The following APP variants were observed in gnomAD, a reference collection of about 807,000 sequenced individuals.
The protein encoded by APP is amyloid beta precursor protein, also known as amyloid-beta precursor protein.
In APP, 31 loss-of-function variants were observed where a neutral mutation model predicts 101.4. The ratio of observed to expected loss-of-function variants is 0.31; its 90% CI spans 0.23 to 0.41. The LOEUF (loss-of-function observed/expected upper bound fraction) is 0.41, where lower values mean the gene tolerates loss of function less well. Among genes scored for constraint, APP ranks in the 10% least tolerant of loss-of-function variants. The pLI, the probability that APP is intolerant of heterozygous loss-of-function variation, is 1.00. For synonymous variants in APP, 366 were observed against 364.4 expected, an observed-to-expected ratio of 1.00 and a Z score of -0.05; for missense variants, 839 against 1,003.7, an observed-to-expected ratio of 0.84 and a Z score of 2.22.
chr21:25,931,361 G>T (rs214482), intron 13 of APP, among the ~76,000 whole-genome samples: 1 of 151,984 alleles, frequency 6.6e-6, no homozygotes, highest in Non-Finnish European at 1.5e-5. Flanking sequence ...CAAGGGAAGT[G>T]AAAAGGGAAG....
intron 3 of APP, among the ~76,000 whole-genome samples, chr21:26,064,973 C>A (rs1342353645): frequency 6.6e-6 from 1 of 152,212 alleles, no homozygotes. Flanking sequence ...CCTGCCTCAG[C>A]CTCCAAAGTA....
At chr21:26,035,197 G>A (rs981876206) in intron 5 of APP, among the ~76,000 whole-genome samples, 1 of 152,048 alleles carries the variant, frequency 6.6e-6, no homozygotes, top group Non-Finnish European at 1.5e-5. Context: ...AGCCAGGGAG[G>A]TCAAGGCTAC....
At chr21:25,953,493 C>T (rs1162934219) in intron 13 of APP, among the ~76,000 whole-genome samples, 1 of 152,196 alleles carries the variant, frequency 6.6e-6, no homozygotes, top group Non-Finnish European at 1.5e-5. Context: ...CCATCTACAA[C>T]ATCCTGGGTG....
Position 25,948,382 on chromosome 21 carries a change from G to A in APP, c.1687+6208C>T, listed in dbSNP as rs527939396. Among the ~76,000 whole-genome samples the A allele has an allele frequency of 7.9e-5, 12 of 152,070 alleles. No homozygotes were observed. In the South Asian group the frequency reaches 2.5e-3, roughly 32 times the overall value. Reference sequence around the variant, plus strand: ...GAAATAACCATGCTGCATTTTTCCTGAAGAGTGGAACATTTTATCAAGAGG... The same window carrying A: ...GAAATAACCATGCTGCATTTTTCCTAAAGAGTGGAACATTTTATCAAGAGG... On this transcript the variant is annotated intron_variant, in intron 13 of 17. Transcript: ENST00000346798.
chr21:26,011,375 C>A (rs2043799883), intron 6 of APP, among the ~76,000 whole-genome samples: 1 of 152,102 alleles, frequency 6.6e-6, no homozygotes, highest in South Asian at 2.1e-4. Flanking sequence ...CACGCCTGGG[C>A]TTCTGTTCAC....
intron 11 of APP, among the ~76,000 whole-genome samples, chr21:25,958,488 A>G (rs896295285): frequency 1.3e-5 from 2 of 152,170 alleles, no homozygotes; most frequent in Non-Finnish European, 1.5e-5. Flanking sequence ...CATGTTAGCC[A>G]GGATGGTCTC....
intron 1 of APP, among the ~76,000 whole-genome samples, chr21:26,122,821 A>G (rs2062604475): frequency 6.6e-6 from 1 of 152,050 alleles, no homozygotes; most frequent in Non-Finnish European, 1.5e-5. Flanking sequence ...AACGCAAGTC[A>G]TATTAGAAGA....
intron 3 of APP, among the ~76,000 whole-genome samples, chr21:26,084,384 G>A (rs2061662144): frequency 0.038 from 2 of 52 alleles, no homozygotes; most frequent in Non-Finnish European, 0.067. Context: ...GATTACAGGC[G>A]CCCGCACCAC....
At position 25,900,987 on chromosome 21, in the gene APP, C is replaced by CAAAAAAAAAAA. The variant is rs71183520; in HGVS notation, c.1964-3325_1964-3315dup. ...TGGGCGACAGAGTGAGACTCCATCT[C>CAAAAAAAAAAA]AAAAAAAAAAAAAAAAAGAATGAGC... On this transcript the variant is annotated intron_variant, in intron 15 of 17. Transcript: ENST00000346798. Among the ~76,000 whole-genome samples, 51 of 118,552 alleles carry CAAAAAAAAAAA rather than the reference C, an allele frequency of 4.3e-4. 1 individual carries two copies. The highest frequency in any genetic ancestry group is 2.2e-3 in the African/African-American group (46 of 21,278). 77.8% of individuals were successfully genotyped at this position (118,552 alleles called of 152,430 possible).
At chr21:25,973,855 G>T (rs1413081499) in intron 11 of APP, among the ~76,000 whole-genome samples, 1 of 148,088 alleles carries the variant, frequency 6.8e-6, no homozygotes, top group Non-Finnish European at 1.5e-5. Flanking sequence ...CATGAGAATT[G>T]CTTAAACCCA....
At position 26,112,160 on chromosome 21, in the gene APP, C is replaced by T. The variant is rs754729022; in HGVS notation, c.58-14G>A. On this transcript the variant is annotated splice_polypyrimidine_tract_variant and intron_variant, in intron 1 of 17. Transcript: ENST00000346798. ...ATCAGTGGGTACCTGAAAGAAGAAG[C>T]TTCAGTTAGTTATAGTATCCATAGC... 68 of 1,613,478 alleles carry T rather than the reference C, an allele frequency of 4.2e-5. No homozygotes were observed. The South Asian group carries it at 7.0e-4, about 17-fold the overall frequency.
chr21:25,925,340 C>T (rs551042505), intron 13 of APP, among the ~76,000 whole-genome samples: 8 of 152,318 alleles, frequency 5.3e-5, no homozygotes, highest in Admixed American at 4.6e-4. Flanking sequence ...CCCCAAGGCT[C>T]GGGTTCGTCA....
At chr21:26,000,787 T>C (rs1260861208) in intron 6 of APP, among the ~76,000 whole-genome samples, 1 of 152,028 alleles carries the variant, frequency 6.6e-6, no homozygotes, top group Non-Finnish European at 1.5e-5. Flanking sequence ...TATATTAAGA[T>C]ATGTACTAAT....
chr21:25,911,833 A>G lies in APP; in HGVS notation c.1817T>C (p.Leu606Pro), dbSNP rs1191863771. ...GCTGAACTCTCCATTCACGGGAAGGAGCTCCACGGTGGTTTTCGTTTCGGT... is the reference window on the plus strand; with the variant it reads ...GCTGAACTCTCCATTCACGGGAAGGGGCTCCACGGTGGTTTTCGTTTCGGT... The part of the protein sequence containing the change: ...SLTETKTTVE[L>P]LPVNGEFSLD... Residue 606 changes from leucine to proline, a missense_variant, in exon 14 of 18, where the codon CTC becomes CCC. Physicochemically the swap from Leu to Pro is moderately conservative, Grantham distance 98. Coordinates refer to ENST00000346798, the MANE Select transcript of APP (RefSeq NM_000484.4). 6.2e-7 allele frequency: 1 copy of G among 1,614,150 alleles called. No individual in the cohort carries two copies.
At chr21:25,891,642 C>T (rs1477028337) in intron 17 of APP, 80 bp downstream of exon 17, 6 of 1,370,498 alleles carry the variant, frequency 4.4e-6, no homozygotes, top group East Asian at 2.3e-5. Flanking sequence ...AGATACTTAG[C>T]TAGTTCTTAG....
chr21:25,987,668 C>CT (rs1292650719), intron 8 of APP, among the ~76,000 whole-genome samples: 29 of 152,202 alleles, frequency 1.9e-4, no homozygotes, highest in Non-Finnish European at 1.5e-5. Flanking sequence ...TTTTGGATGA[C>CT]TAACGCCTTC....
rs76344798 is a variant in APP at position 26,035,960 on chromosome 21, C to A, written c.663-13918G>T. On this transcript the variant is annotated intron_variant, in intron 5 of 17. Transcript: ENST00000346798. ...TAGGACCATTACTGAGATAGAATAG[C>A]TTTGAGAGAACCACATTGAGGACTG... 4.6e-5 allele frequency among the ~76,000 whole-genome samples: 7 copies of A among 152,186 alleles called. No individual in the cohort carries two copies. In the East Asian group the frequency reaches 1.4e-3, roughly 29 times the overall value.
At chr21:25,956,174 C>T (rs1234579125) in intron 11 of APP, among the ~76,000 whole-genome samples, 2 of 152,186 alleles carry the variant, frequency 1.3e-5, no homozygotes. Context: ...ATAATCCCAT[C>T]ACCAGTAACA....
chr21:25,936,935 G>T (rs1219542108), intron 13 of APP, among the ~76,000 whole-genome samples: 1 of 152,116 alleles, frequency 6.6e-6, no homozygotes. Flanking sequence ...GGGCTCACCA[G>T]GGATGTGCAA....
Sources: gnomAD v4.1 joint callset for allele counts (sites outside exome capture counted in the v4.1 genomes callset) on GRCh38, gnomAD v4.1.1 for gene constraint, MANE v1.5 for transcripts, NCBI Gene and HGNC (gene_info 2026-07-23, HGNC 2026-07-21) for gene names.